RCBTB1: variants seen among roughly 807,000 people sequenced by gnomAD.
RCBTB1 encodes RCC1 and BTB domain containing protein 1.
A neutral mutation model predicts 62.4 loss-of-function variants in RCBTB1; 46 were observed. The observed-to-expected ratio is 0.74, with a 90% CI of 0.58 to 0.94. RCBTB1 has a LOEUF of 0.94. RCBTB1 is among the 40% of genes least tolerant of loss of function. RCBTB1 has a pLI of 0.00. For missense variants in RCBTB1, 565 were observed against 654.9 expected, an observed-to-expected ratio of 0.86 and a Z score of 1.50; for synonymous variants, 222 against 245.8, an observed-to-expected ratio of 0.90 and a Z score of 0.91.
At position 49,551,585 on chromosome 13, in the gene RCBTB1, T is replaced by C. The variant is rs1430837711; in HGVS notation, c.712-117A>G. 3 of 1,127,970 alleles carry C rather than the reference T, an allele frequency of 2.7e-6. No individual in the cohort carries two copies. The East Asian group carries it at 7.6e-5, about 29-fold the overall frequency. The allele number at this position is 1,127,970 out of a possible 1,614,324, so 69.9% of individuals were successfully genotyped here. On this transcript the variant is annotated intron_variant, in intron 7 of 12. Transcript: ENST00000378302. ...TGCCAAATCATCATCAGGGGTGGAC[T>C]GACATTTGCTGGAACATTAAAAAAG... is the stretch of plus-strand genomic sequence containing the variant.
intron 11 of RCBTB1, 31 bp downstream of exon 11, chr13:49,541,645 C>A (rs370565779): frequency 1.9e-6 from 3 of 1,576,994 alleles, no homozygotes; most frequent in Admixed American, 1.9e-5. Context: ...CTCCACCATG[C>A]GGCTCGTCCA....
chr13:49,552,885 T>C (rs1594285331), intron 6 of RCBTB1, among the ~76,000 whole-genome samples: 3 of 151,994 alleles, frequency 2.0e-5, no homozygotes, highest in South Asian at 4.2e-4. Flanking sequence ...GTAGTGGTAG[T>C]AGAAAGACTA....
In RCBTB1 at chr13:49,583,312, G is replaced by A. The variant is rs192404867; in HGVS notation, c.-122+2132C>T. 1.8e-4 allele frequency among the ~76,000 whole-genome samples: 28 copies of A among 152,268 alleles called. No individual in the cohort carries two copies. The East Asian group carries it at 3.7e-3, about 20-fold the overall frequency. On this transcript the variant is annotated intron_variant, in intron 1 of 12. Coordinates refer to ENST00000378302, the MANE Select transcript of RCBTB1 (RefSeq NM_018191.4). ...CCAAGCCCAGAGAAAGCTGGAGACC[G>A]TAAGTCTTTAGAGGTACCCATCTGG...
intron 1 of RCBTB1, among the ~76,000 whole-genome samples, chr13:49,583,517 CCT>C (rs1378586265): frequency 1.3e-5 from 2 of 151,962 alleles, no homozygotes; most frequent in Non-Finnish European, 2.9e-5. Flanking sequence ...TCATCATACC[CCT>C]CTTGTGCATT....
intron 1 of RCBTB1, among the ~76,000 whole-genome samples, chr13:49,584,912 A>G (rs1207396895): frequency 1.3e-5 from 2 of 152,192 alleles, no homozygotes; most frequent in Admixed American, 6.5e-5. Flanking sequence ...TCACTTATTT[A>G]GAGTTCACCG....
At chr13:49,563,645 C>T (rs1012237544) in intron 4 of RCBTB1, among the ~76,000 whole-genome samples, 2 of 147,894 alleles carry the variant, frequency 1.4e-5, no homozygotes, top group African/African-American at 2.6e-5. Context: ...GGCGATAGAG[C>T]GAGACTGTCT....
intron 6 of RCBTB1, among the ~76,000 whole-genome samples, chr13:49,554,145 G>C (rs772412213): frequency 6.6e-6 from 1 of 152,044 alleles, no homozygotes; most frequent in Non-Finnish European, 1.5e-5. Context: ...GCAGAGAAAA[G>C]CTGCAGTAGG....
intron 12 of RCBTB1, among the ~76,000 whole-genome samples, chr13:49,540,453 T>C (rs1179161253): frequency 6.6e-6 from 1 of 152,204 alleles, no homozygotes; most frequent in African/African-American, 2.4e-5. Context: ...CTAATAGAAT[T>C]GCAGAGCGTA....
intron 5 of RCBTB1, among the ~76,000 whole-genome samples, chr13:49,558,080 A>G (rs1204716574): frequency 6.6e-6 from 1 of 152,244 alleles, no homozygotes; most frequent in Admixed American, 6.5e-5. Flanking sequence ...AAAAATGTCA[A>G]TTCCCGGCCA....
At chr13:49,546,397 A>G (rs986684599) in intron 9 of RCBTB1, 4 of 979,516 alleles carry the variant, frequency 4.1e-6, no homozygotes, top group African/African-American at 3.5e-5. Flanking sequence ...GCAGTCCCCA[A>G]CCTTTTTGGT....
Position 49,560,117 on chromosome 13 carries a change from C to T in RCBTB1, c.278-33G>A, listed in dbSNP as rs752738528. 6 of 1,602,368 alleles carry T rather than the reference C, an allele frequency of 3.7e-6. No homozygotes were observed. In the East Asian group the frequency reaches 1.3e-4, roughly 36 times the overall value. On this transcript the variant is annotated intron_variant, in intron 4 of 12. Transcript: ENST00000378302. ...CACAAAGCACACAAAAAATCAGCTC[C>T]AAAAAGAAATAGTAACCCTGTACTT...
chr13:49,579,259 A>G (rs1963954807), intron 2 of RCBTB1, among the ~76,000 whole-genome samples: 1 of 152,228 alleles, frequency 6.6e-6, no homozygotes, highest in African/African-American at 2.4e-5. Flanking sequence ...TGAGACACTA[A>G]TATGTTATTG....
At chr13:49,555,064 C>T (rs1235633086) in intron 6 of RCBTB1, among the ~76,000 whole-genome samples, 2 of 152,190 alleles carry the variant, frequency 1.3e-5, no homozygotes, top group Non-Finnish European at 2.9e-5. Context: ...TAACAACAGT[C>T]AGGACCCCAC....
chr13:49,581,524 A>C (rs1964099063), intron 1 of RCBTB1, among the ~76,000 whole-genome samples: 1 of 152,212 alleles, frequency 6.6e-6, no homozygotes, highest in South Asian at 2.1e-4. Context: ...CAACAGATGG[A>C]TTTAGAAATC....
At chr13:49,550,355 C>A (rs1175215029) in intron 8 of RCBTB1, 1 of 700,532 alleles carries the variant, frequency 1.4e-6, no homozygotes, top group Admixed American at 6.3e-5. Flanking sequence ...TAAGCATTGG[C>A]TGGGGGTCAC....
intron 3 of RCBTB1, 121 bp from the exon 4 acceptor site, chr13:49,566,889 T>G: frequency 2.0e-6 from 2 of 985,798 alleles, no homozygotes; most frequent in Non-Finnish European, 2.9e-6. Context: ...AAGAGACTGA[T>G]ATGGTTGTTA....
At chr13:49,576,760 G>A (rs1963813024) in intron 2 of RCBTB1, among the ~76,000 whole-genome samples, 1 of 151,990 alleles carries the variant, frequency 6.6e-6, no homozygotes, top group South Asian at 2.1e-4. Context: ...TTTTATTTAG[G>A]AAATACTTTC....
At chr13:49,555,459 C>T in intron 6 of RCBTB1, 56 bp downstream of exon 6, 1 of 1,401,122 alleles carries the variant, frequency 7.1e-7, no homozygotes, top group Non-Finnish European at 1.0e-6. Context: ...TGTGAAGAAA[C>T]TGACGTGTAA....
At chr13:49,548,941 T>A (rs1340060429) in intron 9 of RCBTB1, among the ~76,000 whole-genome samples, 1 of 135,156 alleles carries the variant, frequency 7.4e-6, no homozygotes, top group Non-Finnish European at 1.5e-5. Context: ...GAGAACAGCC[T>A]GGCCAACATG....
Sources: gnomAD v4.1 joint callset for allele counts (sites outside exome capture counted in the v4.1 genomes callset) on GRCh38, gnomAD v4.1.1 for gene constraint, MANE v1.5 for transcripts, NCBI Gene and HGNC (gene_info 2026-07-23, HGNC 2026-07-21) for gene names.